Variants in ANKRD6 observed in about 807,000 individuals in gnomAD.
ANKRD6 encodes the protein ankyrin repeat domain 6.
Under a neutral mutation model 82.3 loss-of-function variants are expected in ANKRD6, and 56 were observed. That is an observed-to-expected ratio of 0.68 (90% confidence interval 0.55 to 0.85). The LOEUF (loss-of-function observed/expected upper bound fraction) is 0.85. ANKRD6 is among the 40% of genes least tolerant of loss of function. The pLI, the probability that ANKRD6 is intolerant of heterozygous loss-of-function variation, is 0.00. For missense variants in ANKRD6, 852 were observed against 907.6 expected (o/e 0.94, Z 0.79); for synonymous variants, 347 against 352.1 (o/e 0.99, Z 0.16).
chr6:89,477,036 A>C (rs747470840), intron 1 of ANKRD6, among the ~76,000 whole-genome samples: 38 of 152,234 alleles, frequency 2.5e-4, no homozygotes, highest in Non-Finnish European at 4.3e-4. Context: ...GCTCCGCCTC[A>C]CGGGTTCACG....
intron 2 of ANKRD6, among the ~76,000 whole-genome samples, chr6:89,589,936 C>A (rs1261360838): frequency 1.3e-5 from 2 of 152,182 alleles, no homozygotes; most frequent in Non-Finnish European, 2.9e-5. Context: ...TTCTCCTCAC[C>A]CCTGCCGGCC....
chr6:89,520,693 C>T (rs1373427984), intron 1 of ANKRD6, among the ~76,000 whole-genome samples: 8 of 152,116 alleles, frequency 5.3e-5, no homozygotes, highest in African/African-American at 1.7e-4. Context: ...AGCAATGGTG[C>T]GTGTTTTAAA....
At chr6:89,491,163 A>G (rs1262820743) in intron 1 of ANKRD6, among the ~76,000 whole-genome samples, 1 of 152,206 alleles carries the variant, frequency 6.6e-6, no homozygotes, top group Non-Finnish European at 1.5e-5. Context: ...CCTGGCCTCC[A>G]AAACTGTGAG....
intron 1 of ANKRD6, among the ~76,000 whole-genome samples, chr6:89,438,355 C>T (rs1319771690): frequency 6.6e-6 from 1 of 152,140 alleles, no homozygotes; most frequent in Non-Finnish European, 1.5e-5. Context: ...TCCAGAGTCA[C>T]TGCAAGGGGG....
intron 13 of ANKRD6, 48 bp from the exon 14 acceptor site, chr6:89,627,535 C>T (rs766034933): frequency 1.3e-6 from 2 of 1,573,764 alleles, no homozygotes; most frequent in East Asian, 4.5e-5. Flanking sequence ...AGCCAGGGCT[C>T]ACCCTGAGAT....
chr6:89,453,075 C>CT (rs1213569070), intron 1 of ANKRD6, among the ~76,000 whole-genome samples: 1 of 152,214 alleles, frequency 6.6e-6, no homozygotes, highest in Non-Finnish European at 1.5e-5. Flanking sequence ...AGAAATAGAA[C>CT]TTTGCCAGTC....
In ANKRD6 at chr6:89,590,583, G is replaced by A. The variant is rs139183864; in HGVS notation, c.121-5333G>A. Among the ~76,000 whole-genome samples the A allele has an allele frequency of 4.1e-3, 632 of 152,310 alleles. 5 individuals are homozygous for A. The highest frequency in any genetic ancestry group is 0.014 in the African/African-American group (562 of 41,572). On this transcript the variant is annotated intron_variant, in intron 2 of 15. Coordinates refer to ENST00000339746, the MANE Select transcript of ANKRD6 (RefSeq NM_001242809.2). ...ATTTTTAAACAAACCCCAGAGGTTA[G>A]TGGCTGGGCTAAGGTAAAACACCCA...
chr6:89,623,139 T>C (rs1804237998), intron 10 of ANKRD6, among the ~76,000 whole-genome samples: 1 of 152,070 alleles, frequency 6.6e-6, no homozygotes, highest in South Asian at 2.1e-4. Flanking sequence ...GGTAGGTTCC[T>C]GGTGTTCTAC....
In ANKRD6 at chr6:89,433,764, C is replaced by A. The variant is rs1323909602; in HGVS notation, c.-144+389C>A. ...GTCTGCGGCGCGTAGGAGGGTAGGT[C>A]CCTGGCCTGCGGCCGCCTCCGAATG... is the stretch of plus-strand genomic sequence containing the variant. On this transcript the variant is annotated intron_variant, in intron 1 of 15. Transcript: ENST00000339746. This position sits in a 1 kb window ranked among gnomAD's most constrained non-coding sequence, Gnocchi z 4.3. Among the ~76,000 whole-genome samples, 1 of 152,198 alleles carries A rather than the reference C, an allele frequency of 6.6e-6. No homozygotes were observed. Among genetic ancestry groups the A allele is most frequent in the Non-Finnish European group, 1.5e-5 (1 of 68,024 alleles).
intron 7 of ANKRD6, among the ~76,000 whole-genome samples, chr6:89,614,386 T>A (rs1327025681): frequency 6.6e-6 from 1 of 152,164 alleles, no homozygotes; most frequent in African/African-American, 2.4e-5. Context: ...GGCTCATGCC[T>A]GTAATTCCAG....
chr6:89,505,792 G>A (rs1033770593), intron 1 of ANKRD6, among the ~76,000 whole-genome samples: 1 of 152,168 alleles, frequency 6.6e-6, no homozygotes, highest in Non-Finnish European at 1.5e-5. Context: ...AGCACCCCAC[G>A]TTTGTTGCAG....
At position 89,616,622 on chromosome 6, in the gene ANKRD6, C is replaced by A; in HGVS notation, c.679C>A (p.Leu227Met). ...TCACAAGAAGGTGGCCAAAATCTTA[C>A]TGGAAGCCGGAGCAGATACGACCAT... ...LNHKKVAKIL[L>M]EAGADTTIVN... The change falls in exon 8 of 16, where the codon CTG (leucine) becomes ATG (methionine). Residue 227 changes from leucine to methionine, a missense_variant. Coordinates refer to ENST00000339746, the MANE Select transcript of ANKRD6 (RefSeq NM_001242809.2). 1 of 1,614,058 alleles carries A rather than the reference C, an allele frequency of 6.2e-7. No homozygotes were observed. The highest frequency in any genetic ancestry group is 8.5e-7 in the Non-Finnish European group (1 of 1,179,890).
intron 2 of ANKRD6, among the ~76,000 whole-genome samples, chr6:89,579,119 G>A (rs574578660): frequency 5.9e-5 from 9 of 152,174 alleles, no homozygotes; most frequent in South Asian, 2.1e-4. Context: ...AGGTACAAGC[G>A]TGGATGCAGG....
At chr6:89,508,574 G>T (rs1322187611) in intron 1 of ANKRD6, among the ~76,000 whole-genome samples, 1 of 152,184 alleles carries the variant, frequency 6.6e-6, no homozygotes, top group Non-Finnish European at 1.5e-5. Flanking sequence ...TTACATTGGG[G>T]GAGGTGGCTT....
At chr6:89,460,594 C>G (rs897121417) in intron 1 of ANKRD6, among the ~76,000 whole-genome samples, 1 of 151,946 alleles carries the variant, frequency 6.6e-6, no homozygotes, top group Non-Finnish European at 1.5e-5. Flanking sequence ...TGCCACCACA[C>G]CTGGCTAATT....
intron 1 of ANKRD6, among the ~76,000 whole-genome samples, chr6:89,555,032 T>G (rs1358324815): frequency 2.2e-5 from 1 of 46,408 alleles, no homozygotes; most frequent in South Asian, 1.1e-3. Flanking sequence ...CTCTCCTCCC[T>G]CCCCGCTTTC....
chr6:89,462,889 A>G (rs554062395), intron 1 of ANKRD6, among the ~76,000 whole-genome samples: 1 of 145,370 alleles, frequency 6.9e-6, no homozygotes, highest in Non-Finnish European at 1.5e-5. Context: ...TTTTTCTAAG[A>G]GACAAGGTAT....
At chr6:89,505,821 A>T (rs1447430675) in intron 1 of ANKRD6, among the ~76,000 whole-genome samples, 1 of 152,274 alleles carries the variant, frequency 6.6e-6, no homozygotes, top group African/African-American at 2.4e-5. Flanking sequence ...AAAATAGCCA[A>T]GATGTGGAAA....
chr6:89,568,921 A>G (rs1419965879), intron 2 of ANKRD6, among the ~76,000 whole-genome samples: 1 of 144,608 alleles, frequency 6.9e-6, no homozygotes, highest in African/African-American at 2.5e-5. Flanking sequence ...AGAAAATTTT[A>G]TATATATATA....
Sources: gnomAD v4.1 joint callset for allele counts (sites outside exome capture counted in the v4.1 genomes callset) on GRCh38, gnomAD v4.1.1 for gene constraint, Gnocchi (gnomAD v3.1) non-coding constraint, MANE v1.5 for transcripts, NCBI Gene and HGNC (gene_info 2026-07-23, HGNC 2026-07-21) for gene names.